The following ZNF782 variants were observed in gnomAD, a reference collection of about 807,000 sequenced individuals.
The protein encoded by ZNF782 is zinc finger protein 782.
Under a neutral mutation model 13.0 loss-of-function variants are expected in ZNF782, and 12 were observed. That is an observed-to-expected ratio of 0.92 (90% confidence interval 0.59 to 1.50). The LOEUF (loss-of-function observed/expected upper bound fraction) is 1.50. ZNF782 is among the 40% of genes most tolerant of loss of function. The pLI, the probability that ZNF782 is intolerant of heterozygous loss-of-function variation, is 0.00. For missense variants in ZNF782, 770 were observed against 822.9 expected (o/e 0.94, Z 0.79); for synonymous variants, 284 against 283.0 (o/e 1.00, Z -0.04).
the ZNF782 span, chr9:96,897,897 GA>G: frequency 4.1e-4 from 62 of 151,718 alleles, 2 homozygotes; most frequent in Admixed American, 3.7e-3. Flanking sequence ...CAAGCTTGGG[GA>G]TAACACTAGG....
At chr9:96,861,890 C>T in intron 1 of ZNF782, among the ~76,000 whole-genome samples, 1 of 152,158 alleles carries the variant, frequency 6.6e-6, no homozygotes, top group Non-Finnish European at 1.5e-5. Context: ...ACCATATGAT[C>T]CAGCAATCCC....
the ZNF782 span, among the ~76,000 whole-genome samples, chr9:96,912,956 T>G: frequency 8.6e-5 from 13 of 151,906 alleles, no homozygotes; most frequent in Non-Finnish European, 1.9e-4. Flanking sequence ...AAAAAATAGT[T>G]GCAATATACC....
At chr9:96,924,076 T>G in the ZNF782 span, among the ~76,000 whole-genome samples, 1 of 151,644 alleles carries the variant, frequency 6.6e-6, no homozygotes, top group African/African-American at 2.4e-5. Flanking sequence ...CCTGAAGTGA[T>G]CCGCCCACCT....
chr9:96,901,771 T>C, the ZNF782 span, among the ~76,000 whole-genome samples: 4 of 151,194 alleles, frequency 2.6e-5, no homozygotes, highest in East Asian at 7.9e-4. Flanking sequence ...TCCCAGCTAC[T>C]TGGGAGGCTG....
At chr9:96,859,377 C>T (rs530197169), upstream of ZNF782, among the ~76,000 whole-genome samples, 2 of 152,122 alleles carry the variant, frequency 1.3e-5, no homozygotes, top group African/African-American at 4.8e-5. Flanking sequence ...CTCTTTCTTC[C>T]GCTTGAGGAG....
chr9:96,860,501 T>C (rs796140751), intron 2 of ZNF782: 19 of 152,324 alleles, frequency 1.2e-4, no homozygotes, highest in African/African-American at 4.6e-4. Context: ...TTCCTCCAGG[T>C]CTGATCCAAG....
the ZNF782 span, chr9:96,932,485 G>A: frequency 9.0e-7 from 1 of 1,117,078 alleles, no homozygotes; most frequent in African/African-American, 1.5e-5. Context: ...TGGATGGACA[G>A]GAGGTCACAC....
At chr9:96,842,157 C>T (rs1851208218) in intron 4 of ZNF782, among the ~76,000 whole-genome samples, 1 of 151,868 alleles carries the variant, frequency 6.6e-6, no homozygotes, top group African/African-American at 2.4e-5. Flanking sequence ...GACTTTTATA[C>T]TGAAAATCAC....
At chr9:96,827,547 A>T (rs1850666535) in intron 4 of ZNF782, among the ~76,000 whole-genome samples, 1 of 152,076 alleles carries the variant, frequency 6.6e-6, no homozygotes, top group South Asian at 2.1e-4. Flanking sequence ...GCCTCAAGCA[A>T]TCGTCTCACC....
chr9:96,853,499 C>T (rs1312577086), intron 1 of ZNF782, among the ~76,000 whole-genome samples: 1 of 152,202 alleles, frequency 6.6e-6, no homozygotes, highest in African/African-American at 2.4e-5. Context: ...ACCTGAGAAA[C>T]CATGTTAGTG....
At chr9:96,849,240 C>A (rs1231248086) in intron 3 of ZNF782, among the ~76,000 whole-genome samples, 1 of 152,214 alleles carries the variant, frequency 6.6e-6, no homozygotes, top group Non-Finnish European at 1.5e-5. Context: ...TCATAAGAAG[C>A]ACCCAATCTA....
chr9:96,852,073 A>T (rs1407078145), intron 2 of ZNF782, 68 bp from the exon 3 acceptor site: 1 of 1,048,694 alleles, frequency 9.5e-7, no homozygotes, highest in African/African-American at 1.6e-5. Flanking sequence ...AGCCTCCCCA[A>T]ATCTCAGCAA....
chr9:96,911,948 C>A, the ZNF782 span, among the ~76,000 whole-genome samples: 1 of 151,868 alleles, frequency 6.6e-6, no homozygotes, highest in Admixed American at 6.6e-5. Flanking sequence ...GCCTGTAATC[C>A]CAGCACTTTG....
chr9:96,897,326 C>G, the ZNF782 span, among the ~76,000 whole-genome samples: 1 of 151,888 alleles, frequency 6.6e-6, no homozygotes, highest in South Asian at 2.1e-4. Flanking sequence ...CCCCTTCTCC[C>G]ACAAGTGCCA....
chr9:96,822,299 T>C (rs1850449306), intron 5 of ZNF782, among the ~76,000 whole-genome samples: 1 of 152,080 alleles, frequency 6.6e-6, no homozygotes, highest in African/African-American at 2.4e-5. Flanking sequence ...TTACATGTTA[T>C]ATTGCATGGA....
chr9:96,927,195 TGA>T, the ZNF782 span, among the ~76,000 whole-genome samples: 1 of 152,228 alleles, frequency 6.6e-6, no homozygotes, highest in Non-Finnish European at 1.5e-5. Context: ...AGCAATGAGC[TGA>T]GAGACTCCAG....
At chr9:96,848,054 T>A (rs1420908118) in intron 3 of ZNF782, among the ~76,000 whole-genome samples, 1 of 152,098 alleles carries the variant, frequency 6.6e-6, no homozygotes, top group Non-Finnish European at 1.5e-5. Context: ...TAAACATAAC[T>A]AAAAACAAAA....
intron 5 of ZNF782, among the ~76,000 whole-genome samples, chr9:96,826,819 A>T (rs1752142623): frequency 6.6e-6 from 1 of 152,178 alleles, no homozygotes; most frequent in African/African-American, 2.4e-5. Context: ...AACCCTGGGC[A>T]CCAGTTCTGG....
the ZNF782 span, among the ~76,000 whole-genome samples, chr9:96,907,921 G>A: frequency 6.6e-6 from 1 of 151,606 alleles, no homozygotes; most frequent in South Asian, 2.1e-4. Context: ...GATTACAGGT[G>A]TGAGCCACCG....
Sources: allele counts gnomAD v4.1 joint callset (sites outside exome capture counted in the v4.1 genomes callset), GRCh38; gene constraint gnomAD v4.1.1; transcripts MANE v1.5; gene names NCBI Gene and HGNC (gene_info 2026-07-23, HGNC 2026-07-21).